Variants in MYCBP2 observed in about 807,000 individuals in gnomAD.
MYCBP2 encodes the protein MYC binding protein 2.
A neutral mutation model predicts 525.3 loss-of-function variants in MYCBP2; 120 were observed. That is an observed-to-expected ratio of 0.23 (90% CI 0.20 to 0.27). MYCBP2 has a LOEUF of 0.27. Ranked by LOEUF, MYCBP2 falls within the 10% of genes least tolerant of loss-of-function variation. The pLI is 1.00. For missense variants in MYCBP2, 4,149 were observed against 5,657.1 expected (o/e 0.73, Z 8.55); for synonymous variants, 1,894 against 1,955.8 (o/e 0.97, Z 0.83).
At chr13:77,192,720 A>G (rs1261958884) in intron 27 of MYCBP2, among the ~76,000 whole-genome samples, 1 of 152,214 alleles carries the variant, frequency 6.6e-6, no homozygotes, top group Non-Finnish European at 1.5e-5. Context: ...AAATCCTTCA[A>G]TGCTCCCAAT....
intron 73 of MYCBP2, 105 bp from the exon 74 acceptor site, chr13:77,062,802 A>G: frequency 1.2e-6 from 1 of 840,870 alleles, no homozygotes; most frequent in Non-Finnish European, 2.0e-6. Context: ...CTGATTTTGA[A>G]AATACATAGA....
At chr13:77,051,230 C>A (rs992177408) in intron 81 of MYCBP2, 68 bp from the exon 82 acceptor site, 3 of 1,397,556 alleles carry the variant, frequency 2.1e-6, no homozygotes, top group Admixed American at 2.3e-5. Flanking sequence ...TTAAGATAGG[C>A]ATATACATAG....
At position 77,162,030 on chromosome 13, in the gene MYCBP2, C is replaced by A. The variant is rs550363115; in HGVS notation, c.6548-75G>T. 7 of 987,518 alleles carry A rather than the reference C, an allele frequency of 7.1e-6. No homozygotes were observed. The Admixed American group carries it at 9.6e-5, about 14-fold the overall frequency. 61.2% of individuals were successfully genotyped at this position (987,518 alleles called of 1,614,324 possible). On this transcript the variant is annotated intron_variant, in intron 43 of 82. Transcript: ENST00000544440. ...GTTTAATTTTCTAGTCCTTTGCATTCATTACACTTTTTTTAAAAAAATAAT... is the reference window on the plus strand; with the variant it reads ...GTTTAATTTTCTAGTCCTTTGCATTAATTACACTTTTTTTAAAAAAATAAT...
At chr13:77,055,022 A>G (rs1186822361) in intron 80 of MYCBP2, among the ~76,000 whole-genome samples, 1 of 152,136 alleles carries the variant, frequency 6.6e-6, no homozygotes, top group Non-Finnish European at 1.5e-5. Context: ...TCATAAACAT[A>G]TACATGGTAG....
At chr13:77,048,943 A>G (rs2036168145) in intron 82 of MYCBP2, among the ~76,000 whole-genome samples, 1 of 152,208 alleles carries the variant, frequency 6.6e-6, no homozygotes, top group South Asian at 2.1e-4. Flanking sequence ...AGTAAAATCT[A>G]GATTTCCCCT....
intron 46 of MYCBP2, among the ~76,000 whole-genome samples, chr13:77,153,978 C>T (rs2056886686): frequency 6.6e-6 from 1 of 152,126 alleles, no homozygotes; most frequent in Non-Finnish European, 1.5e-5. Flanking sequence ...AACAATAACA[C>T]TTGTTGCTTT....
At chr13:77,170,571 A>C (rs1384078675) in intron 38 of MYCBP2, among the ~76,000 whole-genome samples, 1 of 150,454 alleles carries the variant, frequency 6.6e-6, no homozygotes, top group Non-Finnish European at 1.5e-5. Flanking sequence ...AAGGAGGTGG[A>C]GGTAACTTTT....
At chr13:77,263,033 A>G (rs1228222302) in intron 10 of MYCBP2, among the ~76,000 whole-genome samples, 3 of 152,116 alleles carry the variant, frequency 2.0e-5, no homozygotes, top group Admixed American at 1.3e-4. Context: ...TGGCAAGCCA[A>G]AACTAAAACT....
chr13:77,207,980 T>C (rs530302330), intron 23 of MYCBP2, among the ~76,000 whole-genome samples: 14 of 103,808 alleles, frequency 1.3e-4, no homozygotes, highest in Non-Finnish European at 1.4e-4. Context: ...CAGCCCCAGA[T>C]GAATGAGTAT....
intron 26 of MYCBP2, among the ~76,000 whole-genome samples, chr13:77,204,922 T>C (rs1280406441): frequency 7.4e-6 from 1 of 135,338 alleles, no homozygotes; most frequent in Non-Finnish European, 1.6e-5. Context: ...GGGGGAGGGA[T>C]AGCATTGGGA....
intron 54 of MYCBP2, among the ~76,000 whole-genome samples, chr13:77,123,528 T>C (rs955195633): frequency 6.6e-6 from 1 of 152,232 alleles, no homozygotes; most frequent in Non-Finnish European, 1.5e-5. Context: ...ATTAGCTTTA[T>C]CTGTTATTTG....
intron 18 of MYCBP2, among the ~76,000 whole-genome samples, chr13:77,232,689 CTTAA>C (rs571784764): frequency 0.013 from 1,949 of 152,156 alleles, 11 homozygotes; most frequent in Non-Finnish European, 0.021. Context: ...TTTATATAAA[CTTAA>C]TTAATAAACA....
chr13:77,086,570 G>A (rs193076959), intron 62 of MYCBP2, among the ~76,000 whole-genome samples: 2 of 152,170 alleles, frequency 1.3e-5, no homozygotes, highest in Admixed American at 1.3e-4. Context: ...GAAACTCCAA[G>A]TAGGTAAGTT....
intron 26 of MYCBP2, among the ~76,000 whole-genome samples, chr13:77,196,437 G>A (rs1284898538): frequency 1.3e-5 from 2 of 152,226 alleles, no homozygotes; most frequent in African/African-American, 2.4e-5. Flanking sequence ...CAAATGGGGT[G>A]AGGACAGACG....
At chr13:77,135,450 T>G (rs2053596764) in intron 52 of MYCBP2, among the ~76,000 whole-genome samples, 1 of 152,186 alleles carries the variant, frequency 6.6e-6, no homozygotes, top group African/African-American at 2.4e-5. Flanking sequence ...TGTCCTACCA[T>G]GTTTAGCCCT....
At chr13:77,083,335 A>T in intron 62 of MYCBP2, 143 bp from the exon 63 acceptor site, 1 of 696,398 alleles carries the variant, frequency 1.4e-6, no homozygotes, top group Non-Finnish European at 2.3e-6. Flanking sequence ...AAGATACAGT[A>T]ATTTTAACTA....
At chr13:77,167,660 G>A (rs920673804) in intron 40 of MYCBP2, among the ~76,000 whole-genome samples, 2 of 152,104 alleles carry the variant, frequency 1.3e-5, no homozygotes, top group Non-Finnish European at 2.9e-5. Context: ...TAATACTATG[G>A]TTATATTTAA....
At chr13:77,049,667 GCT>G (rs891595166) in intron 82 of MYCBP2, among the ~76,000 whole-genome samples, 15 of 151,624 alleles carry the variant, frequency 9.9e-5, no homozygotes, top group African/African-American at 3.6e-4. Context: ...TTTTGAAACA[GCT>G]CTGTCGCCCA....
Position 77,115,445 on chromosome 13 carries a change from A to AC in MYCBP2, c.8140+5927dup, listed in dbSNP as rs1328057355. 3.3e-5 allele frequency among the ~76,000 whole-genome samples: 5 copies of AC among 152,026 alleles called. No individual in the cohort carries two copies. In the South Asian group the frequency reaches 1.0e-3, roughly 31 times the overall value. On this transcript the variant is annotated intron_variant, in intron 55 of 82. Transcript: ENST00000544440. ...CTTTTTCATGTCTCTGTGTGCACACACATAAGACAAGGGAAATTTGTTAAC... is the reference window on the plus strand; with the variant it reads ...CTTTTTCATGTCTCTGTGTGCACACACCATAAGACAAGGGAAATTTGTTAAC...
Sources: gnomAD v4.1 joint callset for allele counts (sites outside exome capture counted in the v4.1 genomes callset) on GRCh38, gnomAD v4.1.1 for gene constraint, MANE v1.5 for transcripts, NCBI Gene and HGNC (gene_info 2026-07-23, HGNC 2026-07-21) for gene names.